ELK3: variants seen among roughly 807,000 people sequenced by gnomAD.
ELK3 encodes the protein ETS domain-containing protein Elk-3.
A neutral mutation model predicts 28.9 loss-of-function variants in ELK3; 10 were observed. That is an observed-to-expected ratio of 0.35 (90% CI 0.21 to 0.59). The LOEUF is 0.59. Among genes scored for constraint, ELK3 ranks in the 20% least tolerant of loss-of-function variants. ELK3 has a pLI of 0.82. For missense variants in ELK3, 463 were observed against 517.3 expected (o/e 0.90, Z 1.02); for synonymous variants, 272 against 243.5 (o/e 1.12, Z -1.09).
chr12:96,195,469 C>T (rs528086293), intron 1 of ELK3, among the ~76,000 whole-genome samples: 1 of 152,280 alleles, frequency 6.6e-6, no homozygotes, highest in East Asian at 1.9e-4. Context: ...TCAACGTTGG[C>T]CTGTGACGCT....
intron 1 of ELK3, among the ~76,000 whole-genome samples, chr12:96,211,303 C>T (rs746436999): frequency 2.0e-5 from 3 of 152,118 alleles, no homozygotes; most frequent in East Asian, 1.9e-4. Flanking sequence ...TAATAGCTAA[C>T]GTTTTCTTAG....
chr12:96,199,902 A>G (rs375266772), intron 1 of ELK3, among the ~76,000 whole-genome samples: 18 of 152,266 alleles, frequency 1.2e-4, no homozygotes, highest in East Asian at 1.2e-3. Context: ...TTAGACTGAA[A>G]TGAATTTACT....
At chr12:96,203,173 A>G (rs919777850) in intron 1 of ELK3, among the ~76,000 whole-genome samples, 8 of 152,156 alleles carry the variant, frequency 5.3e-5, no homozygotes, top group Non-Finnish European at 8.8e-5. Flanking sequence ...GAGCCACCAT[A>G]CCTGGCCAGG....
At chr12:96,237,857 G>A (rs935142623) in intron 2 of ELK3, among the ~76,000 whole-genome samples, 1 of 152,244 alleles carries the variant, frequency 6.6e-6, no homozygotes, top group Non-Finnish European at 1.5e-5. Flanking sequence ...GTAACTACTT[G>A]TTCTAACTTT....
intron 2 of ELK3, among the ~76,000 whole-genome samples, chr12:96,233,455 G>A (rs921217340): frequency 6.6e-6 from 1 of 152,168 alleles, no homozygotes; most frequent in African/African-American, 2.4e-5. Context: ...GCCTCACGAT[G>A]TACTGAACAA....
In ELK3 at chr12:96,266,193, TTAAATA is replaced by T. The variant is rs553223010; in HGVS notation, c.1126-885_1126-880del. On this transcript the variant is annotated intron_variant, in intron 4 of 4. Coordinates refer to ENST00000228741, the MANE Select transcript of ELK3 (RefSeq NM_005230.4). ...TTGAAAATTGCAAAAACATATTTAC[TTAAATA>T]TAAGTATTTGTTGTACTTCTAACAT... 1.7e-3 allele frequency among the ~76,000 whole-genome samples: 254 copies of T among 152,376 alleles called. 1 individual carries two copies. Among genetic ancestry groups the T allele is most frequent in the Middle Eastern group, 0.014 (4 of 294 alleles).
chr12:96,218,477 G>A (rs1472866226), intron 1 of ELK3, among the ~76,000 whole-genome samples: 1 of 152,038 alleles, frequency 6.6e-6, no homozygotes, highest in African/African-American at 2.4e-5. Flanking sequence ...GGGGAGAGAG[G>A]GAGGGAGTGA....
At chr12:96,219,695 T>TG (rs1167115443) in intron 1 of ELK3, among the ~76,000 whole-genome samples, 1 of 152,188 alleles carries the variant, frequency 6.6e-6, no homozygotes, top group Non-Finnish European at 1.5e-5. Context: ...CAGAGCTGCC[T>TG]GGGGGCTCCA....
chr12:96,208,530 G>A (rs1409784227), intron 1 of ELK3, among the ~76,000 whole-genome samples: 1 of 152,242 alleles, frequency 6.6e-6, no homozygotes, highest in Non-Finnish European at 1.5e-5. Flanking sequence ...AAGGGAGAGG[G>A]TCAAGAGTTC....
chr12:96,195,387 G>A (rs1217438570), intron 1 of ELK3, among the ~76,000 whole-genome samples: 1 of 152,134 alleles, frequency 6.6e-6, no homozygotes, highest in Admixed American at 6.5e-5. Context: ...ATTGGGCATG[G>A]TTTTGGAGAA....
chr12:96,225,008 G>GTGCTC (rs2137015771), intron 2 of ELK3, among the ~76,000 whole-genome samples: 1 of 152,266 alleles, frequency 6.6e-6, no homozygotes, highest in South Asian at 2.1e-4. Flanking sequence ...AATGCTAAAG[G>GTGCTC]TGCTCTCCTT....
intron 4 of ELK3, among the ~76,000 whole-genome samples, chr12:96,261,779 C>A (rs776506127): frequency 6.6e-6 from 1 of 152,174 alleles, no homozygotes; most frequent in Non-Finnish European, 1.5e-5. Flanking sequence ...TCCAGCCCAA[C>A]ACTCCCAACA....
chr12:96,230,184 G>A (rs1228972275), intron 2 of ELK3, among the ~76,000 whole-genome samples: 2 of 152,168 alleles, frequency 1.3e-5, no homozygotes, highest in African/African-American at 4.8e-5. Flanking sequence ...ACAGTATTCA[G>A]TACAGTAACG....
At chr12:96,262,017 C>CTTTT (rs57348208) in intron 4 of ELK3, among the ~76,000 whole-genome samples, 1 of 115,640 alleles carries the variant, frequency 8.6e-6, no homozygotes, top group Non-Finnish European at 1.9e-5. Context: ...CTGATAAAAA[C>CTTTT]TTTTTTTTTT....
Position 96,229,523 on chromosome 12 carries a change from C to CT in ELK3, c.207+5776dup, listed in dbSNP as rs10578974. ...CCCCATTCTGTGTGTCCAGATTTTCCTTTTTTTTTTTTTTTTTTTTTTTTT... is the reference window on the plus strand; with the variant it reads ...CCCCATTCTGTGTGTCCAGATTTTCCTTTTTTTTTTTTTTTTTTTTTTTTTT... On this transcript the variant is annotated intron_variant, in intron 2 of 4. Coordinates refer to ENST00000228741, the MANE Select transcript of ELK3 (RefSeq NM_005230.4). Among the ~76,000 whole-genome samples the CT allele has an allele frequency of 1.6e-3, 103 of 66,312 alleles. 6 individuals carry two copies. Among genetic ancestry groups the CT allele is most frequent in the Non-Finnish European group, 2.3e-3 (87 of 38,316 alleles). The allele number at this position is 66,312 out of a possible 152,430, so 43.5% of individuals were successfully genotyped here. A position where few individuals can be genotyped will look rare whatever the true frequency, so the allele number is the denominator to read the frequency against.
At chr12:96,229,056 T>A (rs1951723700) in intron 2 of ELK3, among the ~76,000 whole-genome samples, 1 of 152,198 alleles carries the variant, frequency 6.6e-6, no homozygotes, top group South Asian at 2.1e-4. Flanking sequence ...GATGCACCAC[T>A]TTTGTCGCTC....
chr12:96,214,242 C>T (rs989334414), intron 1 of ELK3, among the ~76,000 whole-genome samples: 11 of 151,940 alleles, frequency 7.2e-5, no homozygotes, highest in African/African-American at 1.7e-4. Flanking sequence ...ACCACCCTGG[C>T]GAACATGCTG....
chr12:96,211,585 A>G (rs572681810), intron 1 of ELK3, among the ~76,000 whole-genome samples: 4 of 147,500 alleles, frequency 2.7e-5, no homozygotes, highest in African/African-American at 1.1e-4. Flanking sequence ...CTGGTATTTA[A>G]CTAGTTTTGA....
chr12:96,231,940 G>C (rs1592680647), intron 2 of ELK3, among the ~76,000 whole-genome samples: 1 of 152,194 alleles, frequency 6.6e-6, no homozygotes, highest in Non-Finnish European at 1.5e-5. Context: ...ACCAATTTTA[G>C]TAGAGAACCC....
Sources: allele counts gnomAD v4.1 joint callset (sites outside exome capture counted in the v4.1 genomes callset), GRCh38; gene constraint gnomAD v4.1.1; transcripts MANE v1.5; gene names NCBI Gene and HGNC (gene_info 2026-07-23, HGNC 2026-07-21).